Variants in KIF13A observed in about 807,000 individuals in gnomAD.
KIF13A encodes kinesin-like protein KIF13A.
Under a neutral mutation model 212.2 loss-of-function variants are expected in KIF13A, and 79 were observed. That is an observed-to-expected ratio of 0.37 (90% CI 0.31 to 0.45). The LOEUF (loss-of-function observed/expected upper bound fraction) is 0.45, where lower values mean the gene tolerates loss of function less well. Among genes scored for constraint, KIF13A ranks in the 20% least tolerant of loss-of-function variants. The pLI is 1.00. For synonymous variants in KIF13A, 789 were observed against 808.6 expected, an observed-to-expected ratio of 0.98 and a Z score of 0.41; for missense variants, 1,901 against 2,209.0, an observed-to-expected ratio of 0.86 and a Z score of 2.79.
At chr6:17,767,269 T>TA (rs1399525385) in intron 38 of KIF13A, among the ~76,000 whole-genome samples, 1 of 152,054 alleles carries the variant, frequency 6.6e-6, no homozygotes, top group Admixed American at 6.6e-5. Flanking sequence ...TTTTTTTTTT[T>TA]TTGAGACGAA....
At chr6:17,784,547 T>A (rs144710549) in intron 28 of KIF13A, among the ~76,000 whole-genome samples, 2,083 of 151,684 alleles carry the variant, frequency 0.014, 39 homozygotes, top group Middle Eastern at 0.051. Flanking sequence ...AAAAGAAGAG[T>A]CGTGGGTCCT....
At position 17,800,095 on chromosome 6, in the gene KIF13A, C is replaced by A. The variant is rs770905756; in HGVS notation, c.2473G>T (p.Val825Leu). 6.2e-7 allele frequency: 1 copy of A among 1,613,762 alleles called. No homozygotes were observed. The highest frequency in any genetic ancestry group is 1.3e-5 in the African/African-American group (1 of 75,026). ...QQGEVAGRLH[V>L]EVMRVTGAVP... ...GCTCCTGTAACACGCATCACTTCCA[C>A]GTGGAGACGCCCTGCAACCTGGGTC... The change falls in exon 21 of 39, where the codon GTG becomes TTG. Residue 825 changes from valine to leucine, a missense_variant. Physicochemically the swap from Val to Leu is conservative, Grantham distance 32. Transcript: ENST00000259711.
Position 17,768,143 on chromosome 6 carries a change from T to C in KIF13A, c.4581+2971A>G, listed in dbSNP as rs952771653. ...TTTAATTGGCTTAAACTCATATTTT[T>C]GAGGGAGTTTGGTTTAGATTTTTTA... On this transcript the variant is annotated intron_variant, in intron 38 of 38. Transcript: ENST00000259711. The surrounding 1 kb of genome is among the most constrained non-coding windows in gnomAD (Gnocchi z 5.4). Among the ~76,000 whole-genome samples, 5 of 152,222 alleles carry C rather than the reference T, an allele frequency of 3.3e-5. No individual in the cohort carries two copies. The highest frequency in any genetic ancestry group is 6.5e-5 in the Admixed American group (1 of 15,276).
rs532202928 is a variant in KIF13A at position 17,948,452 on chromosome 6, T to C, written c.146+38602A>G. ...AAATGACAGAAGTTAACTCACTCTC[T>C]TAACACTGTAGCTTTTCTAAAGCAA... On this transcript the variant is annotated intron_variant, in intron 2 of 38. Coordinates refer to ENST00000259711, the MANE Select transcript of KIF13A (RefSeq NM_022113.6). Among the ~76,000 whole-genome samples, 15 of 152,248 alleles carry C rather than the reference T, an allele frequency of 9.9e-5. No individual in the cohort carries two copies. The East Asian group carries it at 2.9e-3, about 29-fold the overall frequency.
chr6:17,826,187 G>T lies in KIF13A; in HGVS notation c.1533-63C>A. 1 of 1,239,008 alleles carries T rather than the reference G, an allele frequency of 8.1e-7. No individual in the cohort carries two copies. The highest frequency in any genetic ancestry group is 1.2e-6 in the Non-Finnish European group (1 of 851,784). The allele number at this position is 1,239,008 out of a possible 1,614,324, so 76.8% of individuals were successfully genotyped here. ...AGGAGCACAAGACCTTGTCCTGGTA[G>T]CCAAAGAGATAACTAGGGGAGCTTT... On this transcript the variant is annotated intron_variant, in intron 14 of 38. Transcript: ENST00000259711. This position sits in a 1 kb window ranked among gnomAD's most constrained non-coding sequence, Gnocchi z 4.7.
At chr6:17,854,222 T>G (rs935810638) in intron 6 of KIF13A, among the ~76,000 whole-genome samples, 14 of 152,200 alleles carry the variant, frequency 9.2e-5, no homozygotes, top group Admixed American at 3.9e-4. Flanking sequence ...CACTGCAACC[T>G]CTGTCTCCTG....
Position 17,817,005 on chromosome 6 carries a change from C to T in KIF13A, c.2000+15G>A, listed in dbSNP as rs184517801. The T allele has an allele frequency of 1.3e-4, 209 of 1,599,800 alleles. 2 individuals are homozygous for T. The African/African-American group carries it at 2.0e-3, about 15-fold the overall frequency. ...TGGGGCCTTGACTCTGGGCTGCCCC[C>T]GCTGCAGTTCTTACCTCTCTTCTGC... is the stretch of plus-strand genomic sequence containing the variant. On this transcript the variant is annotated intron_variant, in intron 17 of 38. Transcript: ENST00000259711.
In KIF13A at chr6:17,831,190, A is replaced by G; in HGVS notation, c.1312T>C (p.Ser438Pro). ...LESMGISLEM[S>P]GIKVGDDKCY... The stretch of plus-strand genomic sequence containing the variant: ...TTGTCATCCCCCACCTTGATACCGG[A>G]CATCTCCAGGGAAATCCCCATGCTT... The change falls in exon 13 of 39, where the codon TCC becomes CCC. Residue 438 changes from serine to proline, a missense_variant. Ser to Pro is a moderately conservative substitution (Grantham distance 74). Coordinates refer to ENST00000259711, the MANE Select transcript of KIF13A (RefSeq NM_022113.6). 6.2e-7 allele frequency: 1 copy of G among 1,613,932 alleles called. No homozygotes were observed.
chr6:17,939,908 C>T (rs1174889025), intron 2 of KIF13A, among the ~76,000 whole-genome samples: 4 of 151,888 alleles, frequency 2.6e-5, no homozygotes, highest in African/African-American at 4.8e-5. Context: ...GGCGTGGTGG[C>T]GGGCGCCTAT....
In KIF13A at chr6:17,822,348, T is replaced by C. The variant is rs569736072; in HGVS notation, c.1786+3420A>G. 2.4e-4 allele frequency among the ~76,000 whole-genome samples: 36 copies of C among 152,198 alleles called. No homozygotes were observed. The South Asian group carries it at 6.2e-3, about 26-fold the overall frequency. ...ATGAGCCACTGCACCCAGCCATAAA[T>C]ATGACTTCAATATGGACAAAATCAA... On this transcript the variant is annotated intron_variant, in intron 16 of 38. Transcript: ENST00000259711.
intron 2 of KIF13A, among the ~76,000 whole-genome samples, chr6:17,941,834 A>G (rs1044469239): frequency 2.6e-5 from 4 of 151,784 alleles, no homozygotes; most frequent in African/African-American, 9.7e-5. Flanking sequence ...GTTCTAAAGA[A>G]AGTTCTGAAC....
chr6:17,800,131 A>G lies in KIF13A; in HGVS notation c.2455-18T>C. On this transcript the variant is annotated intron_variant, in intron 20 of 38. Transcript: ENST00000259711. The stretch of plus-strand genomic sequence containing the variant: ...CCTGCAACCTGGGTCAAGGAACCAG[A>G]GCACCTTAGAGTGAACAGACATCCT... 1.9e-6 allele frequency: 3 copies of G among 1,610,340 alleles called. No individual in the cohort carries two copies. The highest frequency in any genetic ancestry group is 1.7e-4 in the Middle Eastern group (1 of 6,024).
intron 2 of KIF13A, among the ~76,000 whole-genome samples, chr6:17,976,308 G>A (rs1042267733): frequency 6.6e-6 from 1 of 152,242 alleles, no homozygotes; most frequent in Non-Finnish European, 1.5e-5. Context: ...GGCATGGCGG[G>A]CTGCAGGTCG....
intron 2 of KIF13A, among the ~76,000 whole-genome samples, chr6:17,952,233 G>A (rs1367339312): frequency 6.6e-6 from 1 of 150,452 alleles, no homozygotes; most frequent in Non-Finnish European, 1.5e-5. Flanking sequence ...GAACCCGGAA[G>A]GCAGAGCTTG....
intron 3 of KIF13A, among the ~76,000 whole-genome samples, chr6:17,880,902 G>A (rs1414797142): frequency 6.6e-6 from 1 of 151,902 alleles, no homozygotes. Context: ...CACTGTACCT[G>A]GCCCAGCAGA....
In KIF13A at chr6:17,883,053, C is replaced by A. The variant is rs985945784; in HGVS notation, c.160-9616G>T. Among the ~76,000 whole-genome samples the A allele has an allele frequency of 1.3e-5, 2 of 152,104 alleles. No individual in the cohort carries two copies. The highest frequency in any genetic ancestry group is 2.9e-5 in the Non-Finnish European group (2 of 68,026). Reference sequence around the variant, plus strand: ...TCTTTTCATTACCAAAAATACTCGGCGAATTTACATTTTAAAGCAACTTTT... The same window carrying A: ...TCTTTTCATTACCAAAAATACTCGGAGAATTTACATTTTAAAGCAACTTTT... On this transcript the variant is annotated intron_variant, in intron 3 of 38. Transcript: ENST00000259711. The surrounding 1 kb of genome is among the most constrained non-coding windows in gnomAD (Gnocchi z 4.8).
chr6:17,858,456 T>C (rs923529778), intron 4 of KIF13A, among the ~76,000 whole-genome samples: 1 of 152,244 alleles, frequency 6.6e-6, no homozygotes, highest in Admixed American at 6.5e-5. Flanking sequence ...TAGTCAAGTA[T>C]GATAGTCTTG....
rs1758774990 is a variant in KIF13A, at chr6:17,764,568, C to T, written c.4960G>A (p.Glu1654Lys). The T allele has an allele frequency of 1.9e-6, 3 of 1,613,952 alleles. No individual in the cohort carries two copies. In the East Asian group the frequency reaches 6.7e-5, roughly 36 times the overall value. Residue 1654 changes from glutamate to lysine, a missense_variant, in exon 39 of 39, where the codon GAA becomes AAA. Physicochemically the swap from Glu to Lys is moderately conservative, Grantham distance 56. Around this residue, in one of 5 missense-constraint regions of KIF13A, gnomAD observed 687 missense variants for 759.1 expected, o/e 0.90. Coordinates refer to ENST00000259711, the MANE Select transcript of KIF13A (RefSeq NM_022113.6). This position sits in a 1 kb window ranked among gnomAD's most constrained non-coding sequence, Gnocchi z 5.1. ...TCCTTTACCAAGCCTTTTTCGACTT[C>T]TGTCAACTCTTTGTTTGAGGACGGC... ...FRPSSNKELT[E>K]VEKGLVKDKI...
intron 17 of KIF13A, among the ~76,000 whole-genome samples, chr6:17,814,373 C>T (rs1314669811): frequency 2.0e-5 from 3 of 151,658 alleles, no homozygotes; most frequent in Admixed American, 1.3e-4. Context: ...CTCAACCTCC[C>T]GAGTAGCTGG....
Sources: gnomAD v4.1 joint callset for allele counts (sites outside exome capture counted in the v4.1 genomes callset) on GRCh38, gnomAD v4.1.1 for gene constraint, gnomAD v4.1.1 regional missense constraint, Gnocchi (gnomAD v3.1) non-coding constraint, MANE v1.5 for transcripts, NCBI Gene and HGNC (gene_info 2026-07-23, HGNC 2026-07-21) for gene names.